Variants in C17orf78 observed in about 807,000 individuals in gnomAD.
C17orf78 encodes the protein chromosome 17 open reading frame 78, also known as uncharacterized protein C17orf78.
Under a neutral mutation model 31.8 loss-of-function variants are expected in C17orf78, and 27 were observed. That is an observed-to-expected ratio of 0.85 (90% CI 0.63 to 1.17). The LOEUF (loss-of-function observed/expected upper bound fraction) is 1.17. Ranked by LOEUF, C17orf78 falls within the 50% of genes most tolerant of loss-of-function variation. The pLI, the probability that C17orf78 is intolerant of heterozygous loss-of-function variation, is 0.00. For missense variants in C17orf78, 258 were observed against 315.2 expected, an observed-to-expected ratio of 0.82 and a Z score of 1.37; for synonymous variants, 106 against 115.1, an observed-to-expected ratio of 0.92 and a Z score of 0.51.
chr17:37,377,559 C>G (rs1285489710), intron 1 of C17orf78, among the ~76,000 whole-genome samples: 9 of 151,944 alleles, frequency 5.9e-5, no homozygotes, highest in Admixed American at 5.9e-4. Context: ...ACTCGGGAGG[C>G]TGAGGCAGAA....
chr17:37,387,196 C>G (rs1029949250), intron 4 of C17orf78: 2 of 151,682 alleles, frequency 1.3e-5, no homozygotes, highest in African/African-American at 4.9e-5. Context: ...CTCAGCTCAC[C>G]ACAACCTCCC....
Position 37,388,806 on chromosome 17 carries a change from G to A in C17orf78, c.633+12G>A, listed in dbSNP as rs2050664400. On this transcript the variant is annotated intron_variant, in intron 5 of 6. Coordinates refer to ENST00000615133, the MANE Select transcript of C17orf78 (RefSeq NM_173625.5). ...AAGTCCCATGTCCTGTAAGTTTGCT[G>A]TTGTATTGAATCCTTGAACTTGACC... 1.9e-6 allele frequency: 3 copies of A among 1,612,572 alleles called. No individual in the cohort carries two copies. The highest frequency in any genetic ancestry group is 2.5e-6 in the Non-Finnish European group (3 of 1,179,496).
chr17:37,390,175 T>TATATATAC (rs60788220), intron 6 of C17orf78, among the ~76,000 whole-genome samples: 100 of 44,492 alleles, frequency 2.2e-3, no homozygotes, highest in Non-Finnish European at 2.7e-3. Flanking sequence ...TATATATATA[T>TATATATAC]ACACACACAC....
chr17:37,382,187 A>G (rs1352773349), intron 3 of C17orf78, among the ~76,000 whole-genome samples: 3 of 152,118 alleles, frequency 2.0e-5, no homozygotes, highest in African/African-American at 7.2e-5. Flanking sequence ...TCAAAGGCTG[A>G]TAGTTACTGC....
At chr17:37,379,662 A>G (rs1309102057) in intron 3 of C17orf78, among the ~76,000 whole-genome samples, 1 of 152,048 alleles carries the variant, frequency 6.6e-6, no homozygotes, top group Admixed American at 6.6e-5. Flanking sequence ...CAGCCAAAAA[A>G]CACATGAAAA....
At chr17:37,382,644 G>C (rs1010981670) in intron 3 of C17orf78, among the ~76,000 whole-genome samples, 2 of 152,154 alleles carry the variant, frequency 1.3e-5, no homozygotes, top group South Asian at 2.1e-4. Context: ...GGCGGATCAT[G>C]AGGTCAAGAG....
chr17:37,390,334 A>ATATATATCTAT (rs2050822111), intron 6 of C17orf78, among the ~76,000 whole-genome samples: 1 of 93,442 alleles, frequency 1.1e-5, no homozygotes, highest in African/African-American at 4.5e-5. Flanking sequence ...ATATATATAT[A>ATATATATCTAT]AAAGGCCAGC....
intron 5 of C17orf78, 121 bp downstream of exon 5, chr17:37,388,915 A>T: frequency 7.7e-7 from 1 of 1,298,554 alleles, no homozygotes; most frequent in East Asian, 2.5e-5. Flanking sequence ...TGTGCCACTC[A>T]CACTCACTAG....
chr17:37,384,758 C>T (rs1233526832), intron 3 of C17orf78, among the ~76,000 whole-genome samples: 1 of 152,198 alleles, frequency 6.6e-6, no homozygotes, highest in Non-Finnish European at 1.5e-5. Context: ...CACTGTCTTC[C>T]TGATTAAACT....
chr17:37,389,919 T>C (rs1435202748), intron 6 of C17orf78, among the ~76,000 whole-genome samples: 1 of 150,552 alleles, frequency 6.6e-6, no homozygotes, highest in Non-Finnish European at 1.5e-5. Flanking sequence ...AGGGTGCTTA[T>C]TGAATACACA....
intron 3 of C17orf78, among the ~76,000 whole-genome samples, chr17:37,382,924 C>T (rs896371272): frequency 2.6e-5 from 4 of 152,032 alleles, no homozygotes; most frequent in Non-Finnish European, 4.4e-5. Flanking sequence ...GTAGTCCCAG[C>T]TACTCGGGAG....
intron 6 of C17orf78, among the ~76,000 whole-genome samples, chr17:37,391,152 C>T (rs749307261): frequency 3.3e-5 from 5 of 152,202 alleles, no homozygotes; most frequent in African/African-American, 9.6e-5. Context: ...GCAGGATAAT[C>T]GCTTGAACCC....
At chr17:37,382,880 T>C (rs1339528268) in intron 3 of C17orf78, among the ~76,000 whole-genome samples, 1 of 150,978 alleles carries the variant, frequency 6.6e-6, no homozygotes, top group African/African-American at 2.4e-5. Flanking sequence ...CAAAACAAAA[T>C]AAAAAAATTA....
chr17:37,384,822 T>G (rs1046707732), intron 3 of C17orf78, among the ~76,000 whole-genome samples: 1 of 152,236 alleles, frequency 6.6e-6, no homozygotes, highest in Admixed American at 6.5e-5. Flanking sequence ...CCTGGTACTA[T>G]GGCCACTGGC....
intron 3 of C17orf78, among the ~76,000 whole-genome samples, chr17:37,382,580 C>T (rs1041729681): frequency 1.3e-5 from 2 of 151,598 alleles, no homozygotes; most frequent in South Asian, 4.2e-4. Flanking sequence ...AACTCAAAAG[C>T]GTCAGGTGCG....
chr17:37,384,127 A>T (rs904232104), intron 3 of C17orf78, among the ~76,000 whole-genome samples: 1 of 152,146 alleles, frequency 6.6e-6, no homozygotes, highest in Non-Finnish European at 1.5e-5. Context: ...AGCCGGGTGT[A>T]GTGGTGTGCG....
At chr17:37,382,249 A>G (rs899401490) in intron 3 of C17orf78, among the ~76,000 whole-genome samples, 2 of 151,960 alleles carry the variant, frequency 1.3e-5, no homozygotes, top group African/African-American at 4.8e-5. Context: ...ACACTGGGGG[A>G]GAATGCCTAT....
intron 3 of C17orf78, among the ~76,000 whole-genome samples, chr17:37,381,727 A>ATG (rs2050276390): frequency 6.8e-6 from 1 of 147,012 alleles, no homozygotes. Flanking sequence ...TCTCGGGTTC[A>ATG]CGCCATTCTC....
rs774660585 is a variant in C17orf78 at position 37,385,995 on chromosome 17, A to G, written c.392-14A>G. The stretch of plus-strand genomic sequence containing the variant: ...TTTCCCCTAAAGTTTCATCTTTTCT[A>G]CTTTGTTTTATAGCTTTTTTACCAG... On this transcript the variant is annotated splice_polypyrimidine_tract_variant and intron_variant, in intron 3 of 6. Coordinates refer to ENST00000615133, the MANE Select transcript of C17orf78 (RefSeq NM_173625.5). 5 of 1,517,346 alleles carry G rather than the reference A, an allele frequency of 3.3e-6. No individual in the cohort carries two copies. The Admixed American group carries it at 5.6e-5, about 17-fold the overall frequency. 94.0% of individuals were successfully genotyped at this position (1,517,346 alleles called of 1,614,324 possible).
Sources: allele counts gnomAD v4.1 joint callset (sites outside exome capture counted in the v4.1 genomes callset), GRCh38; gene constraint gnomAD v4.1.1; transcripts MANE v1.5; gene names NCBI Gene and HGNC (gene_info 2026-07-23, HGNC 2026-07-21).